Variants in CYB5RL observed in about 807,000 individuals in gnomAD.
CYB5RL encodes the protein cytochrome b5 reductase like.
A neutral mutation model predicts 37.5 loss-of-function variants in CYB5RL; 38 were observed. The ratio of observed to expected loss-of-function variants is 1.01; its 90% CI spans 0.78 to 1.33. The LOEUF is 1.33. Ranked by LOEUF, CYB5RL falls within the 40% of genes most tolerant of loss-of-function variation. The pLI is 0.00. For synonymous variants in CYB5RL, 141 were observed against 151.9 expected (o/e 0.93, Z 0.53); for missense variants, 388 against 394.4 (o/e 0.98, Z 0.14).
intron 5 of CYB5RL, 22 bp from the exon 6 acceptor site, chr1:54,184,287 C>T (rs201508462): frequency 8.7e-6 from 14 of 1,603,920 alleles, no homozygotes; most frequent in Middle Eastern, 1.7e-4. Flanking sequence ...CACAGGGAGA[C>T]GTCAGCGGGA....
chr1:54,179,501 T>C, intron 6 of CYB5RL, 149 bp from the exon 7 acceptor site: 4 of 749,028 alleles, frequency 5.3e-6, no homozygotes, highest in Non-Finnish European at 8.6e-6. Context: ...CTCTACCTCC[T>C]CCAGAAAGCC....
chr1:54,199,579 TGACA>T (rs1644055812), intron 1 of CYB5RL, among the ~76,000 whole-genome samples: 1 of 152,220 alleles, frequency 6.6e-6, no homozygotes, highest in African/African-American at 2.4e-5. Flanking sequence ...AGCAGGCAGC[TGACA>T]GACAGGTGTT....
rs80329739 is a variant in CYB5RL, at chr1:54,194,066, G to A, written c.198+1353C>T. Among the ~76,000 whole-genome samples the A allele has an allele frequency of 1.5e-3, 220 of 149,374 alleles. 8 individuals carry two copies. In the East Asian group the frequency reaches 0.038, roughly 26 times the overall value. The stretch of plus-strand genomic sequence containing the variant: ...AATAATAATAATGTCATGTTGTTTT[G>A]GGGTTCAGAGAAACAACTGCAAGGC... On this transcript the variant is annotated intron_variant, in intron 3 of 7. Coordinates refer to ENST00000534324, the MANE Select transcript of CYB5RL (RefSeq NM_001031672.4).
chr1:54,187,278 T>C (rs1643909063), intron 5 of CYB5RL, among the ~76,000 whole-genome samples: 2 of 152,184 alleles, frequency 1.3e-5, no homozygotes, highest in Non-Finnish European at 2.9e-5. Context: ...TTGTTCTATT[T>C]CACCCCTCCC....
chr1:54,182,800 G>A (rs1394450297), intron 6 of CYB5RL, among the ~76,000 whole-genome samples: 4 of 152,144 alleles, frequency 2.6e-5, no homozygotes, highest in South Asian at 2.1e-4. Context: ...TGATCCACCC[G>A]CCTCGGCCTC....
At chr1:54,185,068 G>A (rs1023644262) in intron 5 of CYB5RL, 4 of 152,220 alleles carry the variant, frequency 2.6e-5, no homozygotes, top group African/African-American at 9.7e-5. Flanking sequence ...CTGAACCATG[G>A]AAGTAACTTA....
intron 1 of CYB5RL, among the ~76,000 whole-genome samples, chr1:54,197,694 G>A (rs762615049): frequency 2.6e-5 from 4 of 152,000 alleles, no homozygotes; most frequent in Non-Finnish European, 5.9e-5. Context: ...TCAGTTGTTA[G>A]GGACAATCTG....
intron 1 of CYB5RL, among the ~76,000 whole-genome samples, chr1:54,197,941 T>A (rs1160061653): frequency 7.1e-6 from 1 of 140,558 alleles, no homozygotes; most frequent in Non-Finnish European, 1.5e-5. Context: ...GGCAGGAGAA[T>A]GGCGTGAACC....
chr1:54,181,065 A>G (rs768487811), intron 6 of CYB5RL, among the ~76,000 whole-genome samples: 5 of 152,318 alleles, frequency 3.3e-5, no homozygotes, highest in East Asian at 1.9e-4. Context: ...TGCAGATCCA[A>G]TTAGATTCCT....
intron 7 of CYB5RL, among the ~76,000 whole-genome samples, chr1:54,177,108 G>A (rs1660040803): frequency 6.6e-6 from 1 of 152,172 alleles, no homozygotes; most frequent in African/African-American, 2.4e-5. Context: ...TCCCAGGCAT[G>A]GACCTCATCC....
In CYB5RL at chr1:54,190,746, A is replaced by G; in HGVS notation, c.347+2T>C. On this transcript the variant is annotated splice_donor_variant, in intron 4 of 7. Transcript: ENST00000534324. LOFTEE classifies it high-confidence loss of function. ...TTTGGTCCTCCCGCTACCTGAGTGT[A>G]CCGTAGGATGAGGTGCTGGCCGGGC... 6.4e-7 allele frequency: 1 copy of G among 1,552,366 alleles called. No individual in the cohort carries two copies. The highest frequency in any genetic ancestry group is 8.7e-7 in the Non-Finnish European group (1 of 1,147,344).
intron 3 of CYB5RL, among the ~76,000 whole-genome samples, chr1:54,194,061 G>A (rs1352234794): frequency 6.7e-6 from 1 of 148,864 alleles, no homozygotes; most frequent in Non-Finnish European, 1.5e-5. Flanking sequence ...ATGTCATGTT[G>A]TTTTGGGGTT....
intron 1 of CYB5RL, among the ~76,000 whole-genome samples, chr1:54,198,174 A>C (rs1644030865): frequency 6.6e-6 from 1 of 152,008 alleles, no homozygotes. Flanking sequence ...GTTGGGAGGC[A>C]ACAGAGGTAA....
intron 3 of CYB5RL, among the ~76,000 whole-genome samples, chr1:54,191,636 A>G (rs1190652470): frequency 1.3e-5 from 2 of 152,150 alleles, no homozygotes; most frequent in African/African-American, 4.8e-5. Context: ...GGACCCCTCA[A>G]TCCCAGCTTA....
Position 54,174,212 on chromosome 1 carries a change from G to A in CYB5RL, c.*407C>T, listed in dbSNP as rs974970691. Reference sequence around the variant, plus strand: ...CTACACACTCAGGAGCCCCTAATCCGAGATGGTGCTGAGGCCACAGTTGGA... The same window carrying A: ...CTACACACTCAGGAGCCCCTAATCCAAGATGGTGCTGAGGCCACAGTTGGA... On this transcript the variant is annotated 3_prime_UTR_variant, in exon 8 of 8. Coordinates refer to ENST00000534324, the MANE Select transcript of CYB5RL (RefSeq NM_001031672.4). 12 of 235,334 alleles carry A rather than the reference G, an allele frequency of 5.1e-5. No homozygotes were observed. The highest frequency in any genetic ancestry group is 2.4e-4 in the Admixed American group (5 of 20,800). The allele number at this position is 235,334 out of a possible 1,614,324, so 14.6% of individuals were successfully genotyped here.
Position 54,171,287 on chromosome 1 carries a change from G to A in CYB5RL, c.*3332C>T. On this transcript the variant is annotated 3_prime_UTR_variant, in exon 8 of 8. Transcript: ENST00000534324. ...CATGTTTGGAGCCTGAGAGGTGGGT[G>A]TGAGTGGGCGGTGGCATACAAAAAG... The A allele has an allele frequency of 2.2e-6, 1 of 456,444 alleles. No homozygotes were observed. 28.3% of individuals were successfully genotyped at this position (456,444 alleles called of 1,614,324 possible).
chr1:54,181,056 G>A (rs1660147993), intron 6 of CYB5RL, among the ~76,000 whole-genome samples: 1 of 152,178 alleles, frequency 6.6e-6, no homozygotes, highest in Non-Finnish European at 1.5e-5. Flanking sequence ...ACTGCCTGGT[G>A]CAGATCCAAT....
At chr1:54,187,857 C>G in intron 4 of CYB5RL, 118 bp from the exon 5 acceptor site, 2 of 808,414 alleles carry the variant, frequency 2.5e-6, no homozygotes, top group Non-Finnish European at 4.1e-6. Context: ...GGGCTGATCA[C>G]TTGAGGTCAG....
rs759832946 is a variant in CYB5RL at position 54,179,216 on chromosome 1, T to G, written c.677A>C (p.Tyr226Ser). 1 of 1,613,760 alleles carries G rather than the reference T, an allele frequency of 6.2e-7. No homozygotes were observed. The highest frequency in any genetic ancestry group is 8.5e-7 in the Non-Finnish European group (1 of 1,179,830). ...VGCFKTFESIYLKTFLQEQAR... is the reference protein window; with the variant it reads ...VGCFKTFESISLKTFLQEQAR... ...CTGCTCTTGGAGGAAGGTTTTCAGGTAGATGCTCTCAAAGGTCTTGAAGCA... is the reference window on the plus strand; with the variant it reads ...CTGCTCTTGGAGGAAGGTTTTCAGGGAGATGCTCTCAAAGGTCTTGAAGCA... The change falls in exon 7 of 8, where the codon TAC (tyrosine) becomes TCC (serine). Residue 226 changes from tyrosine (Y) to serine (S), a missense_variant. Physicochemically the swap from Tyr to Ser is moderately radical, Grantham distance 144 (BLOSUM62 -2). Coordinates refer to ENST00000534324, the MANE Select transcript of CYB5RL (RefSeq NM_001031672.4).
Sources: allele counts gnomAD v4.1 joint callset (sites outside exome capture counted in the v4.1 genomes callset), GRCh38; gene constraint gnomAD v4.1.1; transcripts MANE v1.5; gene names NCBI Gene and HGNC (gene_info 2026-07-23, HGNC 2026-07-21).